HIVEP2: variants seen among roughly 807,000 people sequenced by gnomAD.
HIVEP2 encodes HIVEP zinc finger 2.
HIVEP2 carries 14 observed loss-of-function variants against 180.7 expected under a neutral mutation model. The ratio of observed to expected loss-of-function variants is 0.08; its 90% CI spans 0.05 to 0.12. HIVEP2 has a LOEUF of 0.12. HIVEP2 is among the 10% of genes least tolerant of loss of function. The probability of loss-of-function intolerance (pLI) is 1.00; values close to 1 mark genes in which losing one functional copy is unlikely to be tolerated. For synonymous variants in HIVEP2, 1,184 were observed against 1,136.4 expected, an observed-to-expected ratio of 1.04 and a Z score of -0.84; for missense variants, 2,579 against 3,008.5, an observed-to-expected ratio of 0.86 and a Z score of 3.34.
intron 1 of HIVEP2, among the ~76,000 whole-genome samples, chr6:142,855,525 G>C (rs937074666): frequency 6.6e-6 from 1 of 152,208 alleles, no homozygotes. Flanking sequence ...CAAACAGTAT[G>C]AATTTGAGGA....
rs1289969583 is a variant in HIVEP2, at chr6:142,753,835, C to T, written c.6613G>A (p.Gly2205Ser). Residue 2205 changes from glycine (G) to serine (S), a missense_variant, in exon 10 of 10, where the codon GGT becomes AGT. Gly to Ser is a moderately conservative substitution (Grantham distance 56). This residue lies in a region of HIVEP2 where 660 missense variants were observed against 731.7 expected (regional missense o/e 0.90). Transcript: ENST00000367603. ...TGACTGAAGACATAGTCATTAGGACCCTCAGGGAAAAGGCTGGAGCCTGGA... is the reference window on the plus strand; with the variant it reads ...TGACTGAAGACATAGTCATTAGGACTCTCAGGGAAAAGGCTGGAGCCTGGA... ...EHPGSSLFPE[G>S]PNDYVFSHLP... 1.2e-6 allele frequency: 2 copies of T among 1,613,844 alleles called. No individual in the cohort carries two copies. The highest frequency in any genetic ancestry group is 1.7e-6 in the Non-Finnish European group (2 of 1,179,780).
At chr6:142,865,276 G>A (rs1413338660) in intron 1 of HIVEP2, among the ~76,000 whole-genome samples, 2 of 152,072 alleles carry the variant, frequency 1.3e-5, no homozygotes, top group East Asian at 3.9e-4. Context: ...GCTTCTAATT[G>A]CTTATTCAGT....
intron 1 of HIVEP2, among the ~76,000 whole-genome samples, chr6:142,875,993 A>G (rs896643426): frequency 1.8e-4 from 28 of 152,168 alleles, no homozygotes; most frequent in African/African-American, 6.5e-4. Context: ...AGAAGATAGG[A>G]GGATTTAGAT....
At position 142,768,517 on chromosome 6, in the gene HIVEP2, A is replaced by G. The variant is rs1442784240; in HGVS notation, c.5207T>C (p.Phe1736Ser). 1 of 1,613,564 alleles carries G rather than the reference A, an allele frequency of 6.2e-7. No individual in the cohort carries two copies. Among genetic ancestry groups the G allele is most frequent in the Admixed American group, 1.7e-5 (1 of 59,956 alleles). ...CCTTTCTAGTTTGCTGCCAAATAAAAAGGACGCATCAGGTTTCATCTGTAA... is the reference window on the plus strand; with the variant it reads ...CCTTTCTAGTTTGCTGCCAAATAAAGAGGACGCATCAGGTTTCATCTGTAA... ...QFTQMKPDAS[F>S]LFGSKLERKL... Residue 1736 changes from phenylalanine (F) to serine (S), a missense_variant, in exon 6 of 10, where the codon TTT becomes TCT. Physicochemically the swap from Phe to Ser is radical, Grantham distance 155. Transcript: ENST00000367603.
chr6:142,823,584 G>A (rs1777099785), intron 2 of HIVEP2, among the ~76,000 whole-genome samples: 1 of 152,234 alleles, frequency 6.6e-6, no homozygotes, highest in Admixed American at 6.5e-5. Context: ...CATAACAAGT[G>A]TAACCATGCC....
At chr6:142,849,140 A>G (rs1775585296) in intron 1 of HIVEP2, among the ~76,000 whole-genome samples, 1 of 152,226 alleles carries the variant, frequency 6.6e-6, no homozygotes, top group Non-Finnish European at 1.5e-5. Context: ...ATGCAAAGGT[A>G]CACAAATGTG....
intron 1 of HIVEP2, among the ~76,000 whole-genome samples, chr6:142,875,715 T>C (rs965131196): frequency 1.2e-4 from 19 of 152,210 alleles, no homozygotes; most frequent in African/African-American, 4.1e-4. Context: ...ACAAACATGG[T>C]TGATTTAGTG....
At chr6:142,807,812 T>C (rs963393726) in intron 2 of HIVEP2, among the ~76,000 whole-genome samples, 1 of 152,102 alleles carries the variant, frequency 6.6e-6, no homozygotes, top group African/African-American at 2.4e-5. Flanking sequence ...AAAGCTGCCA[T>C]AAAGAACAGA....
At position 142,753,320 on chromosome 6, in the gene HIVEP2, C is replaced by T. The variant is rs761587389; in HGVS notation, c.7128G>A (p.Glu2376=). Reference sequence around the variant, plus strand: ...TGGCTGAGGTACAGGGCTGACCTGGCTCAGGTCTACTAAAGTGTCTAATGC... The same window carrying T: ...TGGCTGAGGTACAGGGCTGACCTGGTTCAGGTCTACTAAAGTGTCTAATGC... ...HVSIRHFSRP[E]PGQPCTSATH... is the part of the protein sequence containing the mutation. Residue 2376 remains glutamate (E), a synonymous_variant, in exon 10 of 10, where the codon GAG becomes GAA. Coordinates refer to ENST00000367603, the MANE Select transcript of HIVEP2 (RefSeq NM_006734.4). 9 of 1,614,158 alleles carry T rather than the reference C, an allele frequency of 5.6e-6. No individual in the cohort carries two copies. The South Asian group carries it at 8.8e-5, about 16-fold the overall frequency.
rs1232577817 is a variant in HIVEP2, at chr6:142,917,781, A to AT, written c.-641+27317dup. Among the ~76,000 whole-genome samples, 522 of 147,558 alleles carry AT rather than the reference A, an allele frequency of 3.5e-3. 1 individual carries two copies. The highest frequency in any genetic ancestry group is 0.011 in the African/African-American group (428 of 40,570). ...CTCAAAATCATAATATGCTTCTGTA[A>AT]TTTTTTTTTTTTGAGATAGAGTCTT... On this transcript the variant is annotated intron_variant, in intron 1 of 9. Transcript: ENST00000367603.
chr6:142,911,581 C>CT (rs1388006062), intron 1 of HIVEP2, among the ~76,000 whole-genome samples: 4 of 152,148 alleles, frequency 2.6e-5, no homozygotes, highest in Admixed American at 6.5e-5. Context: ...ATCTGAGACC[C>CT]TTTTTTGCAG....
chr6:142,890,000 C>A (rs1327824769), intron 1 of HIVEP2, among the ~76,000 whole-genome samples: 1 of 152,204 alleles, frequency 6.6e-6, no homozygotes, highest in African/African-American at 2.4e-5. Context: ...GCCCTGACAT[C>A]AATGGAGCAC....
In HIVEP2 at chr6:142,876,427, G is replaced by A. The variant is rs1776439508; in HGVS notation, c.-640-39380C>T. 2.0e-5 allele frequency among the ~76,000 whole-genome samples: 3 copies of A among 152,036 alleles called. 1 individual carries two copies. The highest frequency in any genetic ancestry group is 4.4e-5 in the Non-Finnish European group (3 of 67,996). On this transcript the variant is annotated intron_variant, in intron 1 of 9. Coordinates refer to ENST00000367603, the MANE Select transcript of HIVEP2 (RefSeq NM_006734.4). ...CAGGAAAGAGGGGTGCTAAAAGAGA[G>A]TTATTGTAAAATTAATCTGATAGCA...
rs143727863 is a variant in HIVEP2, at chr6:142,759,424, G to T, written c.6516+348C>A. Among the ~76,000 whole-genome samples, 68 of 152,348 alleles carry T rather than the reference G, an allele frequency of 4.5e-4. No homozygotes were observed. The East Asian group carries it at 7.7e-3, about 17-fold the overall frequency. On this transcript the variant is annotated intron_variant, in intron 9 of 9. Transcript: ENST00000367603. ...AAGTGATGCCTAAATGTCCCTGTGA[G>T]TGTATGTCCATGCAGTCATGGCATT...
chr6:142,935,964 T>G (rs1198915883), intron 1 of HIVEP2, among the ~76,000 whole-genome samples: 1 of 151,934 alleles, frequency 6.6e-6, no homozygotes, highest in East Asian at 2.0e-4. Context: ...GTCACAAAAA[T>G]TAGCCGCGCA....
Position 142,770,937 on chromosome 6 carries a change from G to A in HIVEP2, c.3802C>T (p.Pro1268Ser), listed in dbSNP as rs775832228. 2 of 1,614,200 alleles carry A rather than the reference G, an allele frequency of 1.2e-6. No homozygotes were observed. The highest frequency in any genetic ancestry group is 1.7e-6 in the Non-Finnish European group (2 of 1,180,018). The change falls in exon 5 of 10, where the codon CCT becomes TCT. Residue 1268 changes from proline (P) to serine (S), a missense_variant. Coordinates refer to ENST00000367603, the MANE Select transcript of HIVEP2 (RefSeq NM_006734.4). The surrounding 1 kb of genome is among the most constrained non-coding windows in gnomAD (Gnocchi z 4.7). ...TCTTTCGTGTGTGCATACTCAGCAG[G>A]TTTCTTTCCAGTGTGCTCTGCCACA... is the stretch of plus-strand genomic sequence containing the variant. ...EHVAEHTGKKPAEYAHTKEQT... is the reference protein window; with the variant it reads ...EHVAEHTGKKSAEYAHTKEQT...
intron 1 of HIVEP2, among the ~76,000 whole-genome samples, chr6:142,939,784 T>G (rs957492976): frequency 1.3e-5 from 2 of 152,232 alleles, no homozygotes; most frequent in African/African-American, 4.8e-5. Flanking sequence ...TTGCTCATTC[T>G]GACTCTTGAT....
intron 1 of HIVEP2, among the ~76,000 whole-genome samples, chr6:142,917,210 T>C (rs774454565): frequency 6.6e-6 from 1 of 152,240 alleles, no homozygotes. Context: ...TCGTATGTGA[T>C]GTACTGTTGG....
chr6:142,765,461 G>C (rs779921961), intron 6 of HIVEP2, among the ~76,000 whole-genome samples: 1 of 152,168 alleles, frequency 6.6e-6, no homozygotes, highest in Non-Finnish European at 1.5e-5. Flanking sequence ...ATTCTTCATT[G>C]CAAGTTCCTA....
Sources: allele counts gnomAD v4.1 joint callset (sites outside exome capture counted in the v4.1 genomes callset), GRCh38; gene constraint gnomAD v4.1.1; regional missense constraint gnomAD v4.1.1; non-coding constraint Gnocchi (gnomAD v3.1); transcripts MANE v1.5; gene names NCBI Gene and HGNC (gene_info 2026-07-23, HGNC 2026-07-21).